COL15A1: variants seen among roughly 807,000 people sequenced by gnomAD.
COL15A1 encodes the protein collagen alpha-1(XV) chain.
Under a neutral mutation model 165.9 loss-of-function variants are expected in COL15A1, and 111 were observed. That is an observed-to-expected ratio of 0.67 (90% CI 0.57 to 0.78). The LOEUF is 0.78. COL15A1 is among the 30% of genes least tolerant of loss of function. The pLI is 0.00. For synonymous variants in COL15A1, 659 were observed against 674.8 expected, an observed-to-expected ratio of 0.98 and a Z score of 0.36; for missense variants, 1,745 against 1,789.7, an observed-to-expected ratio of 0.98 and a Z score of 0.45.
chr9:98,963,413 C>A (rs759980417), intron 2 of COL15A1, among the ~76,000 whole-genome samples: 1 of 152,210 alleles, frequency 6.6e-6, no homozygotes, highest in Non-Finnish European at 1.5e-5. Context: ...GAGCAAGGAA[C>A]TTCCTGGGAG....
intron 26 of COL15A1, among the ~76,000 whole-genome samples, chr9:99,045,902 G>T (rs912348980): frequency 6.6e-6 from 1 of 152,234 alleles, no homozygotes; most frequent in Non-Finnish European, 1.5e-5. Flanking sequence ...TCACATTTCT[G>T]TAACAGACTT....
intron 5 of COL15A1, among the ~76,000 whole-genome samples, chr9:98,996,514 T>C (rs1838545006): frequency 6.6e-6 from 1 of 152,258 alleles, no homozygotes; most frequent in African/African-American, 2.4e-5. Flanking sequence ...TTCATTTTCA[T>C]AGGTGTTTTC....
At chr9:99,050,727 A>T (rs1839574317) in intron 30 of COL15A1, among the ~76,000 whole-genome samples, 1 of 152,242 alleles carries the variant, frequency 6.6e-6, no homozygotes, top group Admixed American at 6.5e-5. Flanking sequence ...AACTAGACGG[A>T]TGTGGCCTCT....
rs754715563 is a variant in COL15A1 at position 99,055,370 on chromosome 9, G to T, written c.3190G>T (p.Ala1064Ser). The T allele has an allele frequency of 1.3e-6, 2 of 1,599,082 alleles. No homozygotes were observed. The highest frequency in any genetic ancestry group is 2.2e-5 in the South Asian group (2 of 90,764). ...PPGLPGNPGP[A>S]GQKGETVVGP... Reference sequence around the variant, plus strand: ...AGGCCTGCCCGGAAATCCAGGCCCGGCTGTGAGTAGAGACCCCTCCAAGTC... The same window carrying T: ...AGGCCTGCCCGGAAATCCAGGCCCGTCTGTGAGTAGAGACCCCTCCAAGTC... Residue 1064 changes from alanine (A) to serine (S), a missense_variant and splice_region_variant, in exon 34 of 42, where the codon GCT becomes TCT. Ala to Ser is a moderately conservative substitution (Grantham distance 99). Transcript: ENST00000375001.
At chr9:98,977,730 G>C (rs1838163786) in intron 2 of COL15A1, among the ~76,000 whole-genome samples, 1 of 151,712 alleles carries the variant, frequency 6.6e-6, no homozygotes, top group South Asian at 2.1e-4. Context: ...GGGATGGAGG[G>C]TGGGAGGGTT....
chr9:99,051,240 G>A (rs1839582015), intron 30 of COL15A1, among the ~76,000 whole-genome samples: 1 of 152,164 alleles, frequency 6.6e-6, no homozygotes, highest in Admixed American at 6.5e-5. Flanking sequence ...ACAAATTTTA[G>A]AGTGCGGTAA....
rs1159740986 is a variant in COL15A1 at position 99,060,254 on chromosome 9, A to ATTT, written c.3402+302_3402+303insTTT. 8.0e-4 allele frequency among the ~76,000 whole-genome samples: 112 copies of ATTT among 140,718 alleles called. 1 individual carries two copies. In the South Asian group the frequency reaches 0.018, roughly 23 times the overall value. 92.3% of individuals were successfully genotyped at this position (140,718 alleles called of 152,430 possible). ...TATTTTTATATATATATATATATAT[A>ATTT]TATTTTTTTTTTGCTGGATGAGGGG... On this transcript the variant is annotated intron_variant, in intron 36 of 41. Transcript: ENST00000375001.
Position 99,036,152 on chromosome 9 carries a change from T to G in COL15A1, c.2290-18T>G, listed in dbSNP as rs201519890. ...GCAAAGTGACTAGAAGAATATTTATTTTTGTTTATTTTTCCAGGGTCTCAA... is the reference window on the plus strand; with the variant it reads ...GCAAAGTGACTAGAAGAATATTTATGTTTGTTTATTTTTCCAGGGTCTCAA... On this transcript the variant is annotated intron_variant, in intron 19 of 41. Coordinates refer to ENST00000375001, the MANE Select transcript of COL15A1 (RefSeq NM_001855.5). 6.2e-7 allele frequency: 1 copy of G among 1,603,592 alleles called. No individual in the cohort carries two copies. Among genetic ancestry groups the G allele is most frequent in the Non-Finnish European group, 8.5e-7 (1 of 1,170,910 alleles).
intron 5 of COL15A1, among the ~76,000 whole-genome samples, chr9:98,991,267 C>G (rs1838425037): frequency 6.6e-6 from 1 of 152,240 alleles, no homozygotes; most frequent in Non-Finnish European, 1.5e-5. Context: ...TGACCCCCCC[C>G]CACATCCTGC....
At chr9:98,998,878 G>T (rs1402595752) in intron 6 of COL15A1, among the ~76,000 whole-genome samples, 1 of 152,230 alleles carries the variant, frequency 6.6e-6, no homozygotes, top group East Asian at 1.9e-4. Context: ...TTCTTGATGT[G>T]TAGACAGCCC....
At chr9:99,044,348 G>C (rs756462829) in intron 24 of COL15A1, among the ~76,000 whole-genome samples, 1 of 152,138 alleles carries the variant, frequency 6.6e-6, no homozygotes, top group African/African-American at 2.4e-5. Context: ...GAATGGCTGA[G>C]AGAACATTCA....
At chr9:99,057,974 G>A (rs1054474414) in intron 35 of COL15A1, among the ~76,000 whole-genome samples, 2 of 152,104 alleles carry the variant, frequency 1.3e-5, no homozygotes, top group African/African-American at 4.8e-5. Context: ...GGGTGTGAAG[G>A]AGGGAGTGAA....
Position 99,004,631 on chromosome 9 carries a change from C to T in COL15A1, c.1201-267C>T, listed in dbSNP as rs116029200. Among the ~76,000 whole-genome samples, 1,141 of 152,250 alleles carry T rather than the reference C, an allele frequency of 7.5e-3. 10 individuals are homozygous for T. Among genetic ancestry groups the T allele is most frequent in the African/African-American group, 0.025 (1,034 of 41,534 alleles). On this transcript the variant is annotated intron_variant, in intron 8 of 41. Transcript: ENST00000375001. ...GATTAGGGGACACAGCTTGGAAGGG[C>T]TATTGGTGAGCACATGCCCCTCGGG...
intron 7 of COL15A1, among the ~76,000 whole-genome samples, chr9:99,002,866 G>A (rs76753217): frequency 0.013 from 1,929 of 152,244 alleles, 36 homozygotes; most frequent in African/African-American, 0.044. Context: ...CCACATTTTT[G>A]CAATAAATAA....
chr9:99,031,988 C>T lies in COL15A1; in HGVS notation c.2044-2561C>T, dbSNP rs116268753. On this transcript the variant is annotated intron_variant, in intron 16 of 41. Transcript: ENST00000375001. ...GAATTCTGGGTTGAAAGTCATTTGC[C>T]CTTGATGATTTGAAGATGATCACCA... is the stretch of plus-strand genomic sequence containing the variant. Among the ~76,000 whole-genome samples, 1,007 of 151,752 alleles carry T rather than the reference C, an allele frequency of 6.6e-3. 7 individuals are homozygous for T. The highest frequency in any genetic ancestry group is 0.023 in the African/African-American group (962 of 41,380).
chr9:99,058,152 T>C (rs975155876), intron 35 of COL15A1, among the ~76,000 whole-genome samples: 6 of 152,198 alleles, frequency 3.9e-5, no homozygotes, highest in African/African-American at 1.4e-4. Context: ...GCGGGAAATA[T>C]GGTTACTGAC....
At chr9:99,048,044 G>C (rs1190773335) in intron 28 of COL15A1, 44 bp downstream of exon 28, 2 of 1,067,342 alleles carry the variant, frequency 1.9e-6, no homozygotes, top group Non-Finnish European at 2.8e-6. Context: ...TGTCCAGAGA[G>C]GGTGAGAGAG....
chr9:98,953,955 G>C (rs890967779), intron 2 of COL15A1, among the ~76,000 whole-genome samples: 8 of 152,156 alleles, frequency 5.3e-5, no homozygotes, highest in Non-Finnish European at 1.2e-4. Flanking sequence ...ATTATTCCTG[G>C]CTTCCTGCTG....
At chr9:99,058,421 A>G (rs759632224) in intron 35 of COL15A1, among the ~76,000 whole-genome samples, 5 of 152,182 alleles carry the variant, frequency 3.3e-5, no homozygotes, top group African/African-American at 1.2e-4. Flanking sequence ...CTACAAAGGA[A>G]GAAGGTGCCG....
Sources: gnomAD v4.1 joint callset for allele counts (sites outside exome capture counted in the v4.1 genomes callset) on GRCh38, gnomAD v4.1.1 for gene constraint, MANE v1.5 for transcripts, NCBI Gene and HGNC (gene_info 2026-07-23, HGNC 2026-07-21) for gene names.